The following ARFIP1 variants were observed in gnomAD, a reference collection of about 807,000 sequenced individuals.
The protein encoded by ARFIP1 is ARF interacting protein 1.
A neutral mutation model predicts 42.5 loss-of-function variants in ARFIP1; 24 were observed. The observed-to-expected ratio is 0.57, with a 90% CI of 0.41 to 0.80. ARFIP1 has a LOEUF of 0.80. Among genes scored for constraint, ARFIP1 ranks in the 30% least tolerant of loss-of-function variants. The probability of loss-of-function intolerance (pLI) is 0.00; values close to 1 mark genes in which losing one functional copy is unlikely to be tolerated. For synonymous variants in ARFIP1, 141 were observed against 153.7 expected (o/e 0.92, Z 0.61); for missense variants, 354 against 434.0 (o/e 0.82, Z 1.64).
At chr4:152,797,865 G>T (rs947015863) in intron 1 of ARFIP1, among the ~76,000 whole-genome samples, 5 of 152,124 alleles carry the variant, frequency 3.3e-5, no homozygotes, top group Admixed American at 1.3e-4. Context: ...TATATCATCT[G>T]CAAATAGAGA....
intron 8 of ARFIP1, among the ~76,000 whole-genome samples, chr4:152,900,138 A>G (rs889548466): frequency 2.0e-5 from 3 of 151,696 alleles, no homozygotes; most frequent in Non-Finnish European, 4.4e-5. Flanking sequence ...GGTGGAAGGA[A>G]GAAAAGGAGG....
intron 8 of ARFIP1, among the ~76,000 whole-genome samples, chr4:152,901,297 T>C (rs1295311803): frequency 6.6e-6 from 1 of 152,228 alleles, no homozygotes; most frequent in Non-Finnish European, 1.5e-5. Context: ...TGATACATGC[T>C]GTGTAGGCAA....
At chr4:152,818,418 G>C (rs762977598) in intron 1 of ARFIP1, among the ~76,000 whole-genome samples, 1 of 152,190 alleles carries the variant, frequency 6.6e-6, no homozygotes, top group African/African-American at 2.4e-5. Context: ...ATATGGGAAG[G>C]AGCCCCATCA....
At chr4:152,857,269 TTAG>T (rs1313753211) in intron 2 of ARFIP1, among the ~76,000 whole-genome samples, 1 of 152,228 alleles carries the variant, frequency 6.6e-6, no homozygotes, top group Non-Finnish European at 1.5e-5. Flanking sequence ...CATATTTCTA[TTAG>T]TGCGCTTAAA....
At chr4:152,865,351 G>A (rs1333075387) in intron 3 of ARFIP1, among the ~76,000 whole-genome samples, 3 of 152,084 alleles carry the variant, frequency 2.0e-5, no homozygotes, top group Non-Finnish European at 2.9e-5. Context: ...TGGCCAGGCT[G>A]GTCTCCAACT....
At chr4:152,822,115 G>A (rs1730419123) in intron 1 of ARFIP1, among the ~76,000 whole-genome samples, 1 of 151,866 alleles carries the variant, frequency 6.6e-6, no homozygotes, top group Non-Finnish European at 1.5e-5. Flanking sequence ...ATACAGATTG[G>A]CAGAATGGAT....
intron 1 of ARFIP1, among the ~76,000 whole-genome samples, chr4:152,801,614 G>A (rs1561105849): frequency 6.6e-6 from 1 of 152,154 alleles, no homozygotes; most frequent in Admixed American, 6.5e-5. Flanking sequence ...AAGATAGATA[G>A]AAGAAAGAAA....
intron 2 of ARFIP1, among the ~76,000 whole-genome samples, chr4:152,844,512 G>A (rs957634260): frequency 1.3e-5 from 2 of 151,264 alleles, no homozygotes; most frequent in Admixed American, 1.3e-4. Context: ...AGATTCCCTT[G>A]CAATTATTTT....
intron 5 of ARFIP1, among the ~76,000 whole-genome samples, chr4:152,879,100 C>G (rs1476843508): frequency 6.6e-6 from 1 of 151,676 alleles, no homozygotes; most frequent in African/African-American, 2.4e-5. Context: ...ATACTTTATC[C>G]CCTTCCGTGG....
At chr4:152,796,801 T>C in intron 1 of ARFIP1, 1 of 674,524 alleles carries the variant, frequency 1.5e-6, no homozygotes, top group Non-Finnish European at 2.7e-6. Flanking sequence ...GTATAGCATT[T>C]ATGGTGTAAT....
chr4:152,837,853 A>G (rs1731777300), intron 2 of ARFIP1, among the ~76,000 whole-genome samples: 1 of 152,128 alleles, frequency 6.6e-6, no homozygotes, highest in African/African-American at 2.4e-5. Context: ...TCCTTGCCTA[A>G]GCCAGTGTCC....
intron 8 of ARFIP1, among the ~76,000 whole-genome samples, chr4:152,909,263 T>C (rs967973179): frequency 6.6e-6 from 1 of 152,064 alleles, no homozygotes; most frequent in Non-Finnish European, 1.5e-5. Context: ...TGCACACTTG[T>C]AATCCCAGCT....
chr4:152,788,717 G>A (rs1730961450), intron 1 of ARFIP1, among the ~76,000 whole-genome samples: 1 of 150,518 alleles, frequency 6.6e-6, no homozygotes, highest in East Asian at 1.9e-4. Context: ...CATTAGCATA[G>A]TACATTTGTC....
chr4:152,796,973 T>A (rs1251844023), intron 1 of ARFIP1: 1 of 239,820 alleles, frequency 4.2e-6, no homozygotes, highest in African/African-American at 2.3e-5. Flanking sequence ...GCTTTGCATG[T>A]ACTATGTGTG....
intron 1 of ARFIP1, among the ~76,000 whole-genome samples, chr4:152,816,729 C>T (rs1729919338): frequency 6.6e-6 from 1 of 152,180 alleles, no homozygotes; most frequent in Non-Finnish European, 1.5e-5. Context: ...GAAATTGTAC[C>T]TAGCACATTA....
intron 1 of ARFIP1, among the ~76,000 whole-genome samples, chr4:152,800,754 G>T (rs537362617): frequency 6.6e-6 from 1 of 152,200 alleles, no homozygotes; most frequent in African/African-American, 2.4e-5. Flanking sequence ...AGTGAAACGA[G>T]TACAGATCCT....
chr4:152,902,521 G>A (rs1203607834), intron 8 of ARFIP1, among the ~76,000 whole-genome samples: 1 of 152,064 alleles, frequency 6.6e-6, no homozygotes, highest in Non-Finnish European at 1.5e-5. Flanking sequence ...GGTGGGCGGG[G>A]GGAGACTAAA....
chr4:152,908,600 A>G (rs1400554514), intron 8 of ARFIP1, among the ~76,000 whole-genome samples: 1 of 151,264 alleles, frequency 6.6e-6, no homozygotes, highest in Non-Finnish European at 1.5e-5. Flanking sequence ...CAGAAGCAAA[A>G]CTCCATCTCA....
chr4:152,868,337 G>T (rs74519821), intron 3 of ARFIP1, among the ~76,000 whole-genome samples: 2,413 of 152,188 alleles, frequency 0.016, 60 homozygotes, highest in African/African-American at 0.055. Context: ...GATTTTTGTT[G>T]TTGAGATGAA....
Sources: allele counts gnomAD v4.1 joint callset (sites outside exome capture counted in the v4.1 genomes callset), GRCh38; gene constraint gnomAD v4.1.1; transcripts MANE v1.5; gene names NCBI Gene and HGNC (gene_info 2026-07-23, HGNC 2026-07-21).